THSD7B: variants seen among roughly 807,000 people sequenced by gnomAD.
The protein encoded by THSD7B is thrombospondin type 1 domain containing 7B.
Under a neutral mutation model 213.6 loss-of-function variants are expected in THSD7B, and 138 were observed. The observed-to-expected ratio is 0.65, with a 90% CI of 0.56 to 0.74. The LOEUF (loss-of-function observed/expected upper bound fraction) is 0.74, where lower values mean the gene tolerates loss of function less well. Among genes scored for constraint, THSD7B ranks in the 30% least tolerant of loss-of-function variants. The pLI is 0.00. For synonymous variants in THSD7B, 742 were observed against 687.0 expected (o/e 1.08, Z -1.25); for missense variants, 1,931 against 1,991.5 (o/e 0.97, Z 0.58).
rs1332910758 is a variant in THSD7B, at chr2:137,403,344, G to A, written c.2501-2269G>A. Among the ~76,000 whole-genome samples the A allele has an allele frequency of 3.9e-5, 6 of 152,162 alleles. No individual in the cohort carries two copies. The East Asian group carries it at 1.2e-3, about 29-fold the overall frequency. ...ACAGACATATTATCTGATGTGCTCA[G>A]AATAAAGAACTGAATTCAGAATATA... On this transcript the variant is annotated intron_variant, in intron 12 of 27. Coordinates refer to ENST00000409968, the MANE Select transcript of THSD7B (RefSeq NM_001316349.2).
chr2:137,299,758 T>A (rs1256814185), intron 12 of THSD7B, among the ~76,000 whole-genome samples: 2 of 152,174 alleles, frequency 1.3e-5, no homozygotes, highest in East Asian at 3.8e-4. Flanking sequence ...TTATACATAG[T>A]TTTAACTATG....
chr2:137,170,630 C>G (rs1680227273), intron 6 of THSD7B, 111 bp from the exon 7 acceptor site: 1 of 976,356 alleles, frequency 1.0e-6, no homozygotes, highest in Non-Finnish European at 1.5e-6. Flanking sequence ...ATAATACGTG[C>G]TTAGAGCGAT....
At chr2:136,791,191 C>T (rs2558093) in intron 1 of THSD7B, among the ~76,000 whole-genome samples, 20,930 of 151,878 alleles carry the variant, frequency 0.14, 1,666 homozygotes, top group African/African-American at 0.2. Flanking sequence ...GATATAGCAA[C>T]TTCTAGGTTT....
chr2:137,092,066 G>A (rs1481737629), intron 3 of THSD7B, among the ~76,000 whole-genome samples: 4 of 152,134 alleles, frequency 2.6e-5, no homozygotes, highest in East Asian at 1.9e-4. Context: ...CAGTAACAAT[G>A]AGACACTGCG....
rs1230402105 is a variant in THSD7B, at chr2:136,978,426, G to C, written c.140-77994G>C. ...CCACTATTATTTTGTGAGAGTCTCA[G>C]TCTCTTCGTAGGTCTCCAATAACTT... On this transcript the variant is annotated intron_variant, in intron 2 of 27. Transcript: ENST00000409968. Among the ~76,000 whole-genome samples, 4 of 152,160 alleles carry C rather than the reference G, an allele frequency of 2.6e-5. No homozygotes were observed. In the East Asian group the frequency reaches 7.7e-4, roughly 29 times the overall value.
intron 20 of THSD7B, among the ~76,000 whole-genome samples, chr2:137,632,690 A>T (rs1682763562): frequency 1.3e-5 from 2 of 152,114 alleles, no homozygotes; most frequent in African/African-American, 4.8e-5. Flanking sequence ...AAAAGTGCTT[A>T]ATCTTCTGCC....
chr2:137,497,290 C>T (rs1679592317), intron 15 of THSD7B, among the ~76,000 whole-genome samples: 1 of 151,982 alleles, frequency 6.6e-6, no homozygotes, highest in South Asian at 2.1e-4. Flanking sequence ...TGTTGATTAA[C>T]ATTGATGGTA....
intron 7 of THSD7B, 95 bp from the exon 8 acceptor site, chr2:137,230,949 A>AT (rs1292039597): frequency 1.3e-5 from 16 of 1,205,664 alleles, no homozygotes; most frequent in East Asian, 4.8e-5. Flanking sequence ...AGAAACTATC[A>AT]TTTTTGGGGG....
chr2:137,344,604 C>T (rs1397999624), intron 12 of THSD7B, among the ~76,000 whole-genome samples: 5 of 151,572 alleles, frequency 3.3e-5, no homozygotes, highest in African/African-American at 4.8e-5. Flanking sequence ...GGACACAAAC[C>T]GGGAGTGTTA....
chr2:137,065,500 T>C (rs933949416), intron 3 of THSD7B, among the ~76,000 whole-genome samples: 2 of 152,080 alleles, frequency 1.3e-5, no homozygotes, highest in African/African-American at 2.4e-5. Context: ...TTTTTTCTCT[T>C]GTCTGATTCC....
intron 17 of THSD7B, among the ~76,000 whole-genome samples, chr2:137,615,886 A>G (rs1035669868): frequency 5.3e-5 from 8 of 152,108 alleles, no homozygotes; most frequent in Admixed American, 5.2e-4. Flanking sequence ...ACTATTTGAG[A>G]GTACAGTGTG....
At chr2:137,464,535 G>A (rs72851743) in intron 15 of THSD7B, among the ~76,000 whole-genome samples, 9,215 of 152,066 alleles carry the variant, frequency 0.061, 436 homozygotes, top group Non-Finnish European at 0.096. Context: ...CCAGGGAGCT[G>A]GAATATTCAT....
chr2:137,398,812 C>T (rs191744055), intron 12 of THSD7B, among the ~76,000 whole-genome samples: 5,138 of 152,170 alleles, frequency 0.034, 127 homozygotes, highest in Non-Finnish European at 0.048. Flanking sequence ...TAGCAATCAG[C>T]GAGATTCCGT....
At chr2:137,125,032 C>T (rs558743124) in intron 5 of THSD7B, among the ~76,000 whole-genome samples, 1 of 152,128 alleles carries the variant, frequency 6.6e-6, no homozygotes, top group Admixed American at 6.5e-5. Context: ...TAAAGTTGTC[C>T]CAATTCTTTT....
chr2:137,620,132 A>G (rs971884439), intron 19 of THSD7B, among the ~76,000 whole-genome samples: 3 of 152,234 alleles, frequency 2.0e-5, no homozygotes, highest in Non-Finnish European at 2.9e-5. Flanking sequence ...CGTTACGACC[A>G]TGATTGTTTT....
In THSD7B at chr2:137,057,038, T is replaced by C. The variant is rs201020337; in HGVS notation, c.758T>C (p.Leu253Pro). 1.9e-5 allele frequency: 30 copies of C among 1,613,852 alleles called. No homozygotes were observed. The highest frequency in any genetic ancestry group is 2.2e-5 in the Non-Finnish European group (26 of 1,179,908). Residue 253 changes from leucine (L) to proline (P), a missense_variant, in exon 3 of 28, where the codon CTG becomes CCG. Physicochemically the swap from Leu to Pro is moderately conservative, Grantham distance 98. Coordinates refer to ENST00000409968, the MANE Select transcript of THSD7B (RefSeq NM_001316349.2). ...LKVGPWSKCR[L>P]PHLKEINPSG... ...GTTGGACCATGGAGTAAATGCAGAC[T>C]GCCTCATCTTAAAGAAATTAATCCA...
chr2:136,835,040 G>A (rs1463906801), intron 1 of THSD7B, among the ~76,000 whole-genome samples: 1 of 152,120 alleles, frequency 6.6e-6, no homozygotes, highest in Non-Finnish European at 1.5e-5. Context: ...GAATAGTGGA[G>A]CCAAAGCTGA....
chr2:137,236,277 A>G (rs1681760816), intron 9 of THSD7B, among the ~76,000 whole-genome samples: 1 of 152,188 alleles, frequency 6.6e-6, no homozygotes, highest in East Asian at 1.9e-4. Context: ...ATAATGTTAT[A>G]TCTCTAAACC....
intron 10 of THSD7B, among the ~76,000 whole-genome samples, chr2:137,257,141 C>T (rs1010685253): frequency 2.6e-5 from 4 of 152,216 alleles, no homozygotes; most frequent in African/African-American, 9.6e-5. Context: ...GGAGCCACCT[C>T]TCACTTCTGC....
Sources: gnomAD v4.1 joint callset for allele counts (sites outside exome capture counted in the v4.1 genomes callset) on GRCh38, gnomAD v4.1.1 for gene constraint, MANE v1.5 for transcripts, NCBI Gene and HGNC (gene_info 2026-07-23, HGNC 2026-07-21) for gene names.